The following AFAP1L2 variants were observed in gnomAD, a reference collection of about 807,000 sequenced individuals.
AFAP1L2 encodes actin filament associated protein 1 like 2.
Under a neutral mutation model 99.3 loss-of-function variants are expected in AFAP1L2, and 46 were observed. The observed-to-expected ratio is 0.46, with a 90% CI of 0.37 to 0.59. AFAP1L2 has a LOEUF of 0.59. Among genes scored for constraint, AFAP1L2 ranks in the 20% least tolerant of loss-of-function variants. The pLI, the probability that AFAP1L2 is intolerant of heterozygous loss-of-function variation, is 0.00. For synonymous variants in AFAP1L2, 397 were observed against 419.1 expected, an observed-to-expected ratio of 0.95 and a Z score of 0.64; for missense variants, 959 against 1,034.9, an observed-to-expected ratio of 0.93 and a Z score of 1.01.
intron 1 of AFAP1L2, among the ~76,000 whole-genome samples, chr10:114,341,228 T>C (rs1385082259): frequency 6.6e-6 from 1 of 152,138 alleles, no homozygotes; most frequent in African/African-American, 2.4e-5. Context: ...TAAAGTTCCT[T>C]CCAGTTCTGA....
Position 114,360,517 on chromosome 10 carries a change from A to ATAGATAGATAGATAGT in AFAP1L2, c.17-19787_17-19786insACTATCTATCTATCTA, listed in dbSNP as rs1554937732. Among the ~76,000 whole-genome samples the ATAGATAGATAGATAGT allele has an allele frequency of 8.7e-3, 1,095 of 125,742 alleles. 6 individuals are homozygous for ATAGATAGATAGATAGT. Among genetic ancestry groups the ATAGATAGATAGATAGT allele is most frequent in the East Asian group, 0.024 (102 of 4,310 alleles). 82.5% of individuals were successfully genotyped at this position (125,742 alleles called of 152,430 possible). A position where few individuals can be genotyped will look rare whatever the true frequency, so the allele number is the denominator to read the frequency against. On this transcript the variant is annotated intron_variant, in intron 1 of 18. Coordinates refer to ENST00000304129, the MANE Select transcript of AFAP1L2 (RefSeq NM_001001936.3). Reference sequence around the variant, plus strand: ...GATAGATAGATAGATAGTTAGATAGATAGATAGATAGATAGATAGATAGAT... The same window carrying ATAGATAGATAGATAGT: ...GATAGATAGATAGATAGTTAGATAGATAGATAGATAGATAGTTAGATAGATAGATAGATAGATAGAT...
the AFAP1L2 span, among the ~76,000 whole-genome samples, chr10:114,282,017 C>CTTT: frequency 8.4e-6 from 1 of 119,662 alleles, no homozygotes; most frequent in African/African-American, 3.2e-5. Context: ...CTTATGTTAC[C>CTTT]TTTTTTTTTT....
chr10:114,311,674 G>C (rs2134545368), intron 7 of AFAP1L2, among the ~76,000 whole-genome samples: 1 of 152,358 alleles, frequency 6.6e-6, no homozygotes, highest in South Asian at 2.1e-4. Flanking sequence ...TACACGGATG[G>C]CCCTGCCCAG....
chr10:114,400,174 T>C (rs2058097628), intron 1 of AFAP1L2, among the ~76,000 whole-genome samples: 1 of 152,246 alleles, frequency 6.6e-6, no homozygotes, highest in Non-Finnish European at 1.5e-5. Context: ...TTTCCCGTTA[T>C]GAAAGGGAAT....
the AFAP1L2 span, chr10:114,289,140 G>A: frequency 1.9e-6 from 3 of 1,613,976 alleles, no homozygotes; most frequent in Non-Finnish European, 1.7e-6. Flanking sequence ...AACCCACCCG[G>A]GCTGCGATGC....
At chr10:114,319,688 G>C in intron 5 of AFAP1L2, 1 of 1,267,132 alleles carries the variant, frequency 7.9e-7, no homozygotes, top group Non-Finnish European at 1.0e-6. Context: ...AGAGAAGAGA[G>C]ACAGAATGAA....
intron 1 of AFAP1L2, 184 bp from the exon 2 acceptor site, chr10:114,340,915 C>A: frequency 1.3e-6 from 1 of 748,844 alleles, no homozygotes; most frequent in Non-Finnish European, 2.2e-6. Flanking sequence ...GCTCCAGGGC[C>A]ACAGGGAGAG....
intron 13 of AFAP1L2, 130 bp from the exon 14 acceptor site, chr10:114,300,820 G>T (rs1416769317): frequency 7.6e-7 from 1 of 1,307,830 alleles, no homozygotes. Flanking sequence ...CTCCCTGCTG[G>T]GGGGGCCACT....
intron 1 of AFAP1L2, among the ~76,000 whole-genome samples, chr10:114,387,437 T>A (rs1205488044): frequency 6.6e-6 from 1 of 152,148 alleles, no homozygotes; most frequent in Non-Finnish European, 1.5e-5. Context: ...AATGGCAGCA[T>A]TACTAAAAGC....
At chr10:114,384,608 C>T (rs1260316644) in intron 1 of AFAP1L2, among the ~76,000 whole-genome samples, 1 of 152,224 alleles carries the variant, frequency 6.6e-6, no homozygotes, top group Non-Finnish European at 1.5e-5. Flanking sequence ...AGAAAGTACT[C>T]GCCTTCTTCT....
chr10:114,352,540 A>G (rs2050696029), intron 1 of AFAP1L2, among the ~76,000 whole-genome samples: 1 of 151,444 alleles, frequency 6.6e-6, no homozygotes, highest in South Asian at 2.1e-4. Flanking sequence ...GAACTACTAA[A>G]TTATGTCCTG....
chr10:114,317,577 G>A (rs1206186069), intron 5 of AFAP1L2, among the ~76,000 whole-genome samples: 2 of 152,122 alleles, frequency 1.3e-5, no homozygotes, highest in African/African-American at 2.4e-5. Flanking sequence ...AAAGAGAAGG[G>A]GCCAGGCGTG....
intron 7 of AFAP1L2, among the ~76,000 whole-genome samples, chr10:114,313,529 G>A (rs1017139229): frequency 5.3e-5 from 8 of 152,140 alleles, no homozygotes; most frequent in Admixed American, 3.3e-4. Context: ...GTGTGGTTAC[G>A]TGGGTTAAAG....
At chr10:114,299,738 G>A (rs1218746105) in intron 15 of AFAP1L2, among the ~76,000 whole-genome samples, 1 of 152,218 alleles carries the variant, frequency 6.6e-6, no homozygotes, top group Admixed American at 6.5e-5. Context: ...TCTCAGTCTG[G>A]GTGGGCACCA....
chr10:114,363,101 T>C (rs2052678412), intron 1 of AFAP1L2: 1 of 985,400 alleles, frequency 1.0e-6, no homozygotes, highest in Non-Finnish European at 1.2e-6. Flanking sequence ...TCCGAGCCTC[T>C]CAGCACTGGG....
intron 1 of AFAP1L2, among the ~76,000 whole-genome samples, chr10:114,397,766 G>A (rs1285601508): frequency 6.6e-6 from 1 of 152,156 alleles, no homozygotes; most frequent in Non-Finnish European, 1.5e-5. Context: ...CTAACAGCTG[G>A]CTAGCCTCTC....
chr10:114,371,883 C>A (rs1361694832), intron 1 of AFAP1L2, among the ~76,000 whole-genome samples: 3 of 151,808 alleles, frequency 2.0e-5, no homozygotes, highest in African/African-American at 4.8e-5. Context: ...GGGGAAAGTC[C>A]CTTTATAGCT....
chr10:114,373,572 C>T (rs1030407228), intron 1 of AFAP1L2, among the ~76,000 whole-genome samples: 2 of 152,146 alleles, frequency 1.3e-5, no homozygotes, highest in South Asian at 2.1e-4. Context: ...TTGCAGTGAG[C>T]GGGGATTGTG....
rs1554868862 is a variant in AFAP1L2, at chr10:114,295,314, G to A, written c.*728C>T. The A allele has an allele frequency of 3.0e-6, 3 of 985,028 alleles. No individual in the cohort carries two copies. The highest frequency in any genetic ancestry group is 4.7e-5 in the South Asian group (1 of 21,264). 61.0% of individuals were successfully genotyped at this position (985,028 alleles called of 1,614,324 possible). On this transcript the variant is annotated 3_prime_UTR_variant, in exon 19 of 19. Coordinates refer to ENST00000304129, the MANE Select transcript of AFAP1L2 (RefSeq NM_001001936.3). ...ACTGTTCTAAATGACAGGATTTTAA[G>A]CATTTTTTCCTATATATAATACAGC...
Sources: gnomAD v4.1 joint callset for allele counts (sites outside exome capture counted in the v4.1 genomes callset) on GRCh38, gnomAD v4.1.1 for gene constraint, MANE v1.5 for transcripts, NCBI Gene and HGNC (gene_info 2026-07-23, HGNC 2026-07-21) for gene names.